The following TENM3 variants were observed in gnomAD, a reference collection of about 807,000 sequenced individuals.
TENM3 encodes teneurin transmembrane protein 3.
A neutral mutation model predicts 255.1 loss-of-function variants in TENM3; 63 were observed. That is an observed-to-expected ratio of 0.25 (90% CI 0.20 to 0.30). TENM3 has a LOEUF of 0.30. Among genes scored for constraint, TENM3 ranks in the 10% least tolerant of loss-of-function variants. TENM3 has a pLI of 1.00. For synonymous variants in TENM3, 1,306 were observed against 1,322.3 expected, an observed-to-expected ratio of 0.99 and a Z score of 0.27; for missense variants, 2,929 against 3,461.1, an observed-to-expected ratio of 0.85 and a Z score of 3.86.
At chr4:181,543,907 T>C in the TENM3 span, among the ~76,000 whole-genome samples, 1 of 152,060 alleles carries the variant, frequency 6.6e-6, no homozygotes, top group Non-Finnish European at 1.5e-5. Flanking sequence ...GTTTGAATAA[T>C]AAAGAAAAAA....
intron 12 of TENM3, among the ~76,000 whole-genome samples, chr4:182,704,508 C>T (rs1018849678): frequency 5.9e-5 from 9 of 152,188 alleles, no homozygotes; most frequent in Non-Finnish European, 8.8e-5. Context: ...TGATTTATCT[C>T]AAAGCAGCTC....
chr4:182,711,254 T>C (rs147163638), intron 12 of TENM3, among the ~76,000 whole-genome samples: 21 of 152,352 alleles, frequency 1.4e-4, no homozygotes, highest in African/African-American at 4.3e-4. Context: ...GAATAAAGAA[T>C]TGATTCCATT....
At chr4:182,692,873 T>C (rs2152604629) in intron 12 of TENM3, among the ~76,000 whole-genome samples, 1 of 152,214 alleles carries the variant, frequency 6.6e-6, no homozygotes, top group African/African-American at 2.4e-5. Flanking sequence ...CTTCTCTCCA[T>C]CCGTTATCCT....
At chr4:181,808,915 T>C in the TENM3 span, among the ~76,000 whole-genome samples, 1 of 152,226 alleles carries the variant, frequency 6.6e-6, no homozygotes, top group African/African-American at 2.4e-5. Context: ...GTATTCTAGA[T>C]GAGATGTGTT....
intron 5 of TENM3, among the ~76,000 whole-genome samples, chr4:182,651,087 A>C (rs1051024378): frequency 1.3e-5 from 2 of 152,062 alleles, no homozygotes; most frequent in Non-Finnish European, 2.9e-5. Flanking sequence ...AGGCAAGAAG[A>C]CTTTTTATGT....
At chr4:182,326,577 A>G (rs28519555) in intron 2 of TENM3, among the ~76,000 whole-genome samples, 50,382 of 151,856 alleles carry the variant, frequency 0.33, 8,818 homozygotes, top group East Asian at 0.71. Flanking sequence ...GTCTGTTGCC[A>G]AAGCCTGACT....
At chr4:181,638,846 A>T in the TENM3 span, among the ~76,000 whole-genome samples, 1 of 152,216 alleles carries the variant, frequency 6.6e-6, no homozygotes, top group Admixed American at 6.6e-5. Context: ...CATATATGAA[A>T]AAGGGCAATT....
chr4:181,533,301 C>G, the TENM3 span, among the ~76,000 whole-genome samples: 4 of 152,150 alleles, frequency 2.6e-5, no homozygotes, highest in Non-Finnish European at 4.4e-5. Flanking sequence ...AGGCCACTGA[C>G]CTATTGTGTC....
chr4:181,700,769 A>G, the TENM3 span, among the ~76,000 whole-genome samples: 3 of 152,206 alleles, frequency 2.0e-5, no homozygotes, highest in Non-Finnish European at 4.4e-5. Context: ...GTGCGTGGCC[A>G]CAGGGGAATA....
intron 3 of TENM3, among the ~76,000 whole-genome samples, chr4:182,392,783 G>T (rs759843704): frequency 2.4e-4 from 36 of 152,208 alleles, no homozygotes; most frequent in Non-Finnish European, 4.4e-4. Context: ...ATTTCTTGAG[G>T]ATGTGGGGCT....
At chr4:182,100,838 T>TACACAC in the TENM3 span, among the ~76,000 whole-genome samples, 1 of 15,450 alleles carries the variant, frequency 6.5e-5, no homozygotes, top group African/African-American at 3.7e-4. Flanking sequence ...TATATATATA[T>TACACAC]ACTCATATAT....
chr4:181,554,380 A>G, the TENM3 span, among the ~76,000 whole-genome samples: 2 of 152,104 alleles, frequency 1.3e-5, no homozygotes, highest in Non-Finnish European at 2.9e-5. Flanking sequence ...CTTGTAACTC[A>G]CTCAGTTAGG....
chr4:181,991,916 C>CA, the TENM3 span, among the ~76,000 whole-genome samples: 2 of 152,090 alleles, frequency 1.3e-5, no homozygotes, highest in Non-Finnish European at 2.9e-5. Flanking sequence ...TTACTACTCA[C>CA]AATCCTGCCT....
chr4:181,744,712 T>C, the TENM3 span, among the ~76,000 whole-genome samples: 4 of 152,182 alleles, frequency 2.6e-5, no homozygotes, highest in Admixed American at 2.6e-4. Context: ...CCCAAGCAGT[T>C]TTACATTCCA....
chr4:182,553,958 A>G (rs541086439), intron 3 of TENM3, among the ~76,000 whole-genome samples: 8 of 152,260 alleles, frequency 5.3e-5, no homozygotes, highest in Non-Finnish European at 8.8e-5. Context: ...AGCCACTGAA[A>G]TCTAGTATTC....
At chr4:182,295,261 CTTTTT>C (rs752005972) in intron 1 of TENM3, among the ~76,000 whole-genome samples, 1 of 70,442 alleles carries the variant, frequency 1.4e-5, no homozygotes, top group Non-Finnish European at 2.5e-5. Flanking sequence ...CTTTGCTTTT[CTTTTT>C]TTTTTTTTTT....
At position 182,181,704 on chromosome 4, in the gene TENM3, T is replaced by C. The variant is rs552725613; in HGVS notation, c.-76+36950T>C. 5.3e-5 allele frequency among the ~76,000 whole-genome samples: 8 copies of C among 152,296 alleles called. No individual in the cohort carries two copies. The East Asian group carries it at 1.5e-3, about 29-fold the overall frequency. The stretch of plus-strand genomic sequence containing the variant: ...TTACCCATAATGTGCAGAACACCTT[T>C]GCAAATTCAAGATGACTGTTTACAA... On this transcript the variant is annotated intron_variant, in intron 1 of 2. Transcript: ENST00000512480.
At chr4:182,078,414 T>C in the TENM3 span, among the ~76,000 whole-genome samples, 4 of 151,920 alleles carry the variant, frequency 2.6e-5, no homozygotes, top group East Asian at 7.7e-4. Context: ...CCCAGCTACT[T>C]GGGAGGCTGA....
rs749524878 is a variant in TENM3, at chr4:182,729,035, G to A, written c.2439G>A (p.Arg813=). The change falls in exon 14 of 28, where the codon CGG becomes CGA. Residue 813 remains arginine (R), a synonymous_variant. Transcript: ENST00000511685. ...CCTGCCAGAATCAGCCCTATTGTCGGGGACTGCCGGATCCTCAGGACATCA... is the reference window on the plus strand; with the variant it reads ...CCTGCCAGAATCAGCCCTATTGTCGAGGACTGCCGGATCCTCAGGACATCA... ...QSSCQNQPYC[R]GLPDPQDIIS... is the part of the protein sequence containing the mutation. 1.9e-6 allele frequency: 3 copies of A among 1,613,930 alleles called. No individual in the cohort carries two copies. Among genetic ancestry groups the A allele is most frequent in the Non-Finnish European group, 2.5e-6 (3 of 1,179,872 alleles).
Sources: allele counts gnomAD v4.1 joint callset (sites outside exome capture counted in the v4.1 genomes callset), GRCh38; gene constraint gnomAD v4.1.1; transcripts MANE v1.5; gene names NCBI Gene and HGNC (gene_info 2026-07-23, HGNC 2026-07-21).